Variants in MACROD2 observed in about 807,000 individuals in gnomAD.
MACROD2 encodes mono-ADP ribosylhydrolase 2.
A neutral mutation model predicts 70.4 loss-of-function variants in MACROD2; 36 were observed. The ratio of observed to expected loss-of-function variants is 0.51; its 90% CI spans 0.39 to 0.68. MACROD2 has a LOEUF of 0.68. Among genes scored for constraint, MACROD2 ranks in the 30% least tolerant of loss-of-function variants. The probability of loss-of-function intolerance (pLI) is 0.00; values close to 1 mark genes in which losing one functional copy is unlikely to be tolerated. For synonymous variants in MACROD2, 172 were observed against 178.8 expected (o/e 0.96, Z 0.30); for missense variants, 496 against 538.4 (o/e 0.92, Z 0.78).
intron 4 of MACROD2, among the ~76,000 whole-genome samples, chr20:14,583,160 G>T (rs1981154524): frequency 6.6e-6 from 1 of 152,184 alleles, no homozygotes; most frequent in South Asian, 2.1e-4. Flanking sequence ...ACAGTTCTGT[G>T]CAAGCTCAGA....
intron 8 of MACROD2, among the ~76,000 whole-genome samples, chr20:15,500,826 T>C (rs1053948530): frequency 6.6e-6 from 1 of 152,330 alleles, no homozygotes; most frequent in Non-Finnish European, 1.5e-5. Context: ...ACCTATCCAT[T>C]TGGGTGCTTA....
At chr20:14,588,265 C>T (rs1981520380) in intron 4 of MACROD2, among the ~76,000 whole-genome samples, 4 of 152,088 alleles carry the variant, frequency 2.6e-5, no homozygotes, top group South Asian at 4.2e-4. Context: ...CCTAGAAAAT[C>T]GTTCATTTAA....
chr20:15,569,687 C>T (rs1231499065), intron 8 of MACROD2, among the ~76,000 whole-genome samples: 1 of 152,148 alleles, frequency 6.6e-6, no homozygotes, highest in African/African-American at 2.4e-5. Flanking sequence ...GCATTACGTC[C>T]TCCAGATTTA....
At chr20:14,144,369 G>A (rs1045320553) in intron 3 of MACROD2, among the ~76,000 whole-genome samples, 3 of 152,044 alleles carry the variant, frequency 2.0e-5, no homozygotes, top group African/African-American at 7.2e-5. Context: ...AATATTTTTA[G>A]GGCTATCTGA....
chr20:15,713,802 T>C (rs1273036230), intron 8 of MACROD2, among the ~76,000 whole-genome samples: 2 of 151,972 alleles, frequency 1.3e-5, no homozygotes, highest in Non-Finnish European at 2.9e-5. Flanking sequence ...ACCAAAATGA[T>C]CTTACCAAAG....
intron 3 of MACROD2, among the ~76,000 whole-genome samples, chr20:14,367,025 T>A (rs2083279299): frequency 6.6e-6 from 1 of 152,312 alleles, no homozygotes; most frequent in African/African-American, 2.4e-5. Flanking sequence ...TGAAGTGTGC[T>A]TTTTTGATCC....
At chr20:14,022,861 T>A (rs1482693480) in intron 2 of MACROD2, among the ~76,000 whole-genome samples, 2 of 152,234 alleles carry the variant, frequency 1.3e-5, no homozygotes, top group Non-Finnish European at 2.9e-5. Flanking sequence ...GCATTTGGGT[T>A]GGTTCCAATA....
At chr20:14,931,272 G>A (rs1034939479) in intron 5 of MACROD2, among the ~76,000 whole-genome samples, 2 of 152,078 alleles carry the variant, frequency 1.3e-5, no homozygotes, top group Admixed American at 6.6e-5. Context: ...GAGCATTCTC[G>A]GAATGGGAGG....
At chr20:14,110,949 GA>G (rs1490313314) in intron 3 of MACROD2, among the ~76,000 whole-genome samples, 1 of 151,888 alleles carries the variant, frequency 6.6e-6, no homozygotes, top group Non-Finnish European at 1.5e-5. Flanking sequence ...GCAAAAACTG[GA>G]AGAATCACTT....
chr20:15,369,430 T>C (rs1443230986), intron 6 of MACROD2, among the ~76,000 whole-genome samples: 1 of 152,206 alleles, frequency 6.6e-6, no homozygotes, highest in African/African-American at 2.4e-5. Flanking sequence ...ATAGTCAACA[T>C]GCTCTATTAG....
chr20:15,869,238 T>TCTATATAGAGAG, intron 9 of MACROD2, among the ~76,000 whole-genome samples: 1 of 28,300 alleles, frequency 3.5e-5, no homozygotes. Context: ...TATATATATA[T>TCTATATAGAGAG]AGAGAGAGAG....
At chr20:15,119,216 G>GT (rs2123243087) in intron 5 of MACROD2, among the ~76,000 whole-genome samples, 1 of 152,248 alleles carries the variant, frequency 6.6e-6, no homozygotes, top group South Asian at 2.1e-4. Flanking sequence ...AGCTTACTTC[G>GT]TAAGTTTTGC....
intron 2 of MACROD2, among the ~76,000 whole-genome samples, chr20:14,012,968 A>G (rs1411880193): frequency 2.0e-5 from 3 of 152,120 alleles, no homozygotes; most frequent in Non-Finnish European, 4.4e-5. Context: ...TCTTGACTGA[A>G]TGGCGCCATG....
chr20:15,244,640 AG>A (rs1276011967), intron 6 of MACROD2, among the ~76,000 whole-genome samples: 2 of 152,254 alleles, frequency 1.3e-5, no homozygotes, highest in African/African-American at 4.8e-5. Context: ...CAAAAGGCAT[AG>A]TATTCCTAAA....
chr20:15,233,158 TTAATG>T (rs1307219194), intron 6 of MACROD2, among the ~76,000 whole-genome samples: 1 of 152,120 alleles, frequency 6.6e-6, no homozygotes, highest in African/African-American at 2.4e-5. Context: ...AATTCCATAA[TTAATG>T]AGTAATTTAG....
chr20:15,295,103 A>G (rs531754732), intron 6 of MACROD2, among the ~76,000 whole-genome samples: 1 of 152,300 alleles, frequency 6.6e-6, no homozygotes, highest in East Asian at 1.9e-4. Context: ...ATGGTAGTGA[A>G]TAAGTCTTAT....
At chr20:14,223,977 C>T (rs1351736916) in intron 3 of MACROD2, among the ~76,000 whole-genome samples, 1 of 152,100 alleles carries the variant, frequency 6.6e-6, no homozygotes, top group Non-Finnish European at 1.5e-5. Context: ...CAGTTTTAGT[C>T]CGAAGGTGAT....
intron 5 of MACROD2, among the ~76,000 whole-genome samples, chr20:15,147,433 T>G (rs1601139399): frequency 1.7e-5 from 1 of 57,510 alleles, no homozygotes; most frequent in African/African-American, 1.1e-4. Context: ...GTTAGCATTT[T>G]TTTTTTTTTT....
intron 5 of MACROD2, among the ~76,000 whole-genome samples, chr20:14,748,220 T>C (rs2071824769): frequency 1.3e-5 from 2 of 152,062 alleles, no homozygotes; most frequent in African/African-American, 2.4e-5. Context: ...TGAACATGTT[T>C]CCCAGTCAGG....
Sources: gnomAD v4.1 joint callset for allele counts (sites outside exome capture counted in the v4.1 genomes callset) on GRCh38, gnomAD v4.1.1 for gene constraint, MANE v1.5 for transcripts, NCBI Gene and HGNC (gene_info 2026-07-23, HGNC 2026-07-21) for gene names.